Variants in RFXAP observed in about 807,000 individuals in gnomAD.
The protein encoded by RFXAP is regulatory factor X-associated protein.
Under a neutral mutation model 25.7 loss-of-function variants are expected in RFXAP, and 21 were observed. The observed-to-expected ratio is 0.82, with a 90% CI of 0.58 to 1.18. The LOEUF is 1.18. Ranked by LOEUF, RFXAP falls within the 50% of genes most tolerant of loss-of-function variation. The pLI, the probability that RFXAP is intolerant of heterozygous loss-of-function variation, is 0.00. For synonymous variants in RFXAP, 161 were observed against 152.2 expected, an observed-to-expected ratio of 1.06 and a Z score of -0.43; for missense variants, 333 against 363.0, an observed-to-expected ratio of 0.92 and a Z score of 0.67.
At chr13:36,826,335 A>G (rs1194916615) in intron 2 of RFXAP, among the ~76,000 whole-genome samples, 9 of 152,238 alleles carry the variant, frequency 5.9e-5, no homozygotes, top group Non-Finnish European at 1.3e-4. Flanking sequence ...AAAAAAAGGC[A>G]GAATACCATT....
chr13:36,826,526 G>A (rs767841199), intron 2 of RFXAP, among the ~76,000 whole-genome samples: 1 of 152,128 alleles, frequency 6.6e-6, no homozygotes, highest in South Asian at 2.1e-4. Context: ...TATGTACCAG[G>A]AGTCATCCCT....
intron 1 of RFXAP, among the ~76,000 whole-genome samples, chr13:36,822,619 C>T (rs569131530): frequency 1.3e-5 from 2 of 152,180 alleles, no homozygotes; most frequent in Admixed American, 6.5e-5. Context: ...GCCTCGAATT[C>T]CTGGGCTCAA....
At position 36,819,783 on chromosome 13, in the gene RFXAP, C is replaced by T. The variant is rs1301126739; in HGVS notation, c.426C>T (p.Thr142=). ...SGGGSMSKTC[T]YEGCSETTSQ... ...GGGGCAGCATGAGCAAGACCTGCAC[C>T]TACGAAGGCTGCAGCGAGACCACGA... is the stretch of plus-strand genomic sequence containing the variant. The change falls in exon 1 of 3, where the codon ACC becomes ACT. Residue 142 remains threonine (T), a synonymous_variant. Transcript: ENST00000255476. The T allele has an allele frequency of 1.3e-6, 2 of 1,574,244 alleles. No homozygotes were observed. The highest frequency in any genetic ancestry group is 1.3e-5 in the African/African-American group (1 of 74,098).
rs2057953402 is a variant in RFXAP, at chr13:36,819,386, C to T, written c.29C>T (p.Ala10Val). The T allele has an allele frequency of 1.5e-6, 2 of 1,297,550 alleles. No homozygotes were observed. Among genetic ancestry groups the T allele is most frequent in the Non-Finnish European group, 1.9e-6 (2 of 1,028,468 alleles). The allele number at this position is 1,297,550 out of a possible 1,614,324, so 80.4% of individuals were successfully genotyped here. Residue 10 changes from alanine to valine, a missense_variant, in exon 1 of 3, where the codon GCG becomes GTG. Coordinates refer to ENST00000255476, the MANE Select transcript of RFXAP (RefSeq NM_000538.4). ...GAGGCGCAGGGTGTAGCGGAGGGCG[C>T]GGGGCCGGGCGCCGCCAGCGGCGTG... is the stretch of plus-strand genomic sequence containing the variant. The part of the protein sequence containing the change: MEAQGVAEG[A>V]GPGAASGVPH...
At chr13:36,821,507 T>G (rs2057962730) in intron 1 of RFXAP, among the ~76,000 whole-genome samples, 1 of 151,514 alleles carries the variant, frequency 6.6e-6, no homozygotes, top group South Asian at 2.1e-4. Context: ...CAAAAAAATT[T>G]TAAAAATTAG....
At position 36,819,565 on chromosome 13, in the gene RFXAP, C is replaced by A; in HGVS notation, c.208C>A (p.Pro70Thr). ...CGGGGGCAGCGTTGGGGCGGGCAAG[C>A]CCGTTAGGTACCTGTGCGAAGGGGC... ...APGGSVGAGK[P>T]VRYLCEGAGD... Residue 70 changes from proline (P) to threonine (T), a missense_variant, in exon 1 of 3, where the codon CCC becomes ACC. Physicochemically the swap from Pro to Thr is conservative, Grantham distance 38. Coordinates refer to ENST00000255476, the MANE Select transcript of RFXAP (RefSeq NM_000538.4). The A allele has an allele frequency of 6.6e-7, 1 of 1,525,552 alleles. No homozygotes were observed. Among genetic ancestry groups the A allele is most frequent in the Non-Finnish European group, 8.8e-7 (1 of 1,133,888 alleles). The allele number at this position is 1,525,552 out of a possible 1,614,324, so 94.5% of individuals were successfully genotyped here.
intron 1 of RFXAP, 118 bp from the exon 2 acceptor site, chr13:36,825,310 G>A (rs1374773797): frequency 1.4e-5 from 11 of 764,642 alleles, no homozygotes; most frequent in Non-Finnish European, 2.2e-5. Context: ...GTTGCCCAGA[G>A]ACTGGGCAAG....
chr13:36,825,685 G>A (rs974982697), intron 2 of RFXAP, 150 bp downstream of exon 2: 16 of 531,280 alleles, frequency 3.0e-5, no homozygotes, highest in Non-Finnish European at 4.6e-5. Flanking sequence ...AAAAAGAATC[G>A]GAACTTTACC....
chr13:36,821,214 TAAAAAAAAAAAAAAAAA>T (rs10573140), intron 1 of RFXAP, among the ~76,000 whole-genome samples: 1 of 104,848 alleles, frequency 9.5e-6, no homozygotes, highest in African/African-American at 3.8e-5. Context: ...CCTGTCTCCT[TAAAAAAAAAAAAAAAAA>T]AAAAAAAAAA....
intron 2 of RFXAP, 46 bp from the exon 3 acceptor site, chr13:36,827,596 AT>A: frequency 7.6e-7 from 1 of 1,315,102 alleles, no homozygotes; most frequent in East Asian, 2.4e-5. Flanking sequence ...AAACAGTCTA[AT>A]GACATAGATT....
Position 36,819,282 on chromosome 13 carries a change from T to C in RFXAP, c.-76T>C, listed in dbSNP as rs1182332878. 10 of 1,196,840 alleles carry C rather than the reference T, an allele frequency of 8.4e-6. No homozygotes were observed. The East Asian group carries it at 2.7e-4, about 32-fold the overall frequency. The allele number at this position is 1,196,840 out of a possible 1,614,324, so 74.1% of individuals were successfully genotyped here. On this transcript the variant is annotated 5_prime_UTR_variant, in exon 1 of 3. Coordinates refer to ENST00000255476, the MANE Select transcript of RFXAP (RefSeq NM_000538.4). ...TTTTACCCCAGCGTGTCCTGAGTCT[T>C]TGGTTCGCGAAGTGCCGTTAGGCCA...
At position 36,827,886 on chromosome 13, in the gene RFXAP, C is replaced by T. The variant is rs1328615008; in HGVS notation, c.*133C>T. ...ACATTTTCCTGTAAATGTATGTGTG[C>T]ATTTGGGGATAAGTAAGTATTGCAC... On this transcript the variant is annotated 3_prime_UTR_variant, in exon 3 of 3. Coordinates refer to ENST00000255476, the MANE Select transcript of RFXAP (RefSeq NM_000538.4). The T allele has an allele frequency of 1.4e-6, 1 of 719,664 alleles. No individual in the cohort carries two copies. The highest frequency in any genetic ancestry group is 2.4e-6 in the Non-Finnish European group (1 of 414,498). The allele number at this position is 719,664 out of a possible 1,614,324, so 44.6% of individuals were successfully genotyped here.
chr13:36,819,257 T>A lies in RFXAP; in HGVS notation c.-101T>A. 1 of 1,148,150 alleles carries A rather than the reference T, an allele frequency of 8.7e-7. No individual in the cohort carries two copies. The highest frequency in any genetic ancestry group is 1.1e-6 in the Non-Finnish European group (1 of 920,256). 71.1% of individuals were successfully genotyped at this position (1,148,150 alleles called of 1,614,324 possible). On this transcript the variant is annotated 5_prime_UTR_variant, in exon 1 of 3. Coordinates refer to ENST00000255476, the MANE Select transcript of RFXAP (RefSeq NM_000538.4). ...GGGGCGCCTTCCCGGTATAGGCGCCTTTTACCCCAGCGTGTCCTGAGTCTT... is the reference window on the plus strand; with the variant it reads ...GGGGCGCCTTCCCGGTATAGGCGCCATTTACCCCAGCGTGTCCTGAGTCTT...
intron 2 of RFXAP, among the ~76,000 whole-genome samples, chr13:36,826,498 C>G (rs2057978359): frequency 6.6e-6 from 1 of 152,182 alleles, no homozygotes; most frequent in Non-Finnish European, 1.5e-5. Context: ...ATGGCACTTT[C>G]AGAAAGCAGT....
chr13:36,821,594 T>C (rs2057963133), intron 1 of RFXAP, among the ~76,000 whole-genome samples: 1 of 152,028 alleles, frequency 6.6e-6, no homozygotes, highest in South Asian at 2.1e-4. Context: ...CCCAGGAGAT[T>C]GAGGCTGCAG....
chr13:36,823,943 G>A (rs555647578), intron 1 of RFXAP, among the ~76,000 whole-genome samples: 27 of 152,238 alleles, frequency 1.8e-4, no homozygotes, highest in African/African-American at 5.8e-4. Flanking sequence ...ATGTATTTCA[G>A]CTCAGCTTAA....
intron 1 of RFXAP, among the ~76,000 whole-genome samples, chr13:36,823,440 T>C (rs1282394098): frequency 6.6e-6 from 1 of 152,184 alleles, no homozygotes; most frequent in East Asian, 1.9e-4. Flanking sequence ...TGCCAGGCTA[T>C]GGGATTTGGA....
chr13:36,820,833 C>A lies in RFXAP; in HGVS notation c.600+876C>A, dbSNP rs1048390612. Among the ~76,000 whole-genome samples the A allele has an allele frequency of 3.9e-5, 6 of 152,250 alleles. No homozygotes were observed. In the East Asian group the frequency reaches 9.6e-4, roughly 24 times the overall value. On this transcript the variant is annotated intron_variant, in intron 1 of 2. Coordinates refer to ENST00000255476, the MANE Select transcript of RFXAP (RefSeq NM_000538.4). ...AGGTTATTAAACTCTGTAAAATGGG[C>A]ATTAAAATCGTGTGTCATTCATAGT... is the stretch of plus-strand genomic sequence containing the variant.
intron 1 of RFXAP, among the ~76,000 whole-genome samples, chr13:36,824,402 G>A (rs1169638968): frequency 6.6e-6 from 1 of 152,044 alleles, no homozygotes; most frequent in Non-Finnish European, 1.5e-5. Context: ...GTAATATCAG[G>A]TTGGTAAACT....
Sources: gnomAD v4.1 joint callset for allele counts (sites outside exome capture counted in the v4.1 genomes callset) on GRCh38, gnomAD v4.1.1 for gene constraint, MANE v1.5 for transcripts, NCBI Gene and HGNC (gene_info 2026-07-23, HGNC 2026-07-21) for gene names.